The following OPCML variants were observed in gnomAD, a reference collection of about 807,000 sequenced individuals.
OPCML encodes opioid-binding protein/cell adhesion molecule.
In OPCML, 13 loss-of-function variants were observed where a neutral mutation model predicts 37.8. The ratio of observed to expected loss-of-function variants is 0.34; its 90% CI spans 0.22 to 0.55. The LOEUF is 0.55. Among genes scored for constraint, OPCML ranks in the 20% least tolerant of loss-of-function variants. The pLI is 0.91. For missense variants in OPCML, 341 were observed against 435.6 expected, an observed-to-expected ratio of 0.78 and a Z score of 1.93; for synonymous variants, 176 against 168.8, an observed-to-expected ratio of 1.04 and a Z score of -0.33.
At chr11:133,228,216 C>T (rs1940123267) in intron 1 of OPCML, among the ~76,000 whole-genome samples, 1 of 152,160 alleles carries the variant, frequency 6.6e-6, no homozygotes, top group South Asian at 2.1e-4. Context: ...TACCGCACTG[C>T]ATTTTACAAG....
intron 3 of OPCML, among the ~76,000 whole-genome samples, chr11:132,570,777 A>ATATATATATATATATATATATATATT (rs2096435740): frequency 3.5e-5 from 4 of 114,846 alleles, no homozygotes; most frequent in African/African-American, 1.4e-4. Flanking sequence ...ATATATATAT[A>ATATATATATATATATATATATATATT]TATATATATA....
chr11:133,051,463 C>G (rs180707041), intron 1 of OPCML, among the ~76,000 whole-genome samples: 1 of 152,256 alleles, frequency 6.6e-6, no homozygotes, highest in Non-Finnish European at 1.5e-5. Context: ...GTTCAGGGTA[C>G]TCACTACACT....
At chr11:132,508,308 AG>A (rs1284087008) in intron 4 of OPCML, among the ~76,000 whole-genome samples, 3 of 152,262 alleles carry the variant, frequency 2.0e-5, no homozygotes, top group African/African-American at 7.2e-5. Context: ...ATGGAAAATC[AG>A]TAACAAAATA....
chr11:133,104,783 T>C (rs188037111), intron 1 of OPCML, among the ~76,000 whole-genome samples: 1 of 152,300 alleles, frequency 6.6e-6, no homozygotes, highest in East Asian at 1.9e-4. Context: ...TCCTTCAGAT[T>C]GTTGATTTAT....
intron 1 of OPCML, among the ~76,000 whole-genome samples, chr11:133,136,953 G>T (rs1286800599): frequency 6.6e-6 from 1 of 151,668 alleles, no homozygotes; most frequent in African/African-American, 2.4e-5. Flanking sequence ...ATGGTCATCA[G>T]AAGTCTACCT....
intron 2 of OPCML, among the ~76,000 whole-genome samples, chr11:132,874,708 T>G (rs1331610073): frequency 6.6e-6 from 1 of 152,144 alleles, no homozygotes; most frequent in African/African-American, 2.4e-5. Flanking sequence ...GCAAGAAACC[T>G]TATGAACGAA....
In OPCML at chr11:132,993,186, A is replaced by C. The variant is rs1011983805; in HGVS notation, c.62-50176T>G. The stretch of plus-strand genomic sequence containing the variant: ...GTGCAGCTCCAGGACGTGCATGTCT[A>C]TGTACGTAGGTATCTGCCCACCCGA... On this transcript the variant is annotated intron_variant, in intron 1 of 7. Transcript: ENST00000524381. Among the ~76,000 whole-genome samples the C allele has an allele frequency of 3.9e-5, 6 of 152,298 alleles. No homozygotes were observed. The East Asian group carries it at 1.2e-3, about 29-fold the overall frequency.
At chr11:133,314,785 T>C (rs1943164639) in intron 1 of OPCML, among the ~76,000 whole-genome samples, 1 of 152,198 alleles carries the variant, frequency 6.6e-6, no homozygotes, top group African/African-American at 2.4e-5. Context: ...CAATGGACAT[T>C]GCCGCAAAAA....
chr11:133,172,704 A>G (rs567787476), intron 1 of OPCML, among the ~76,000 whole-genome samples: 8 of 152,266 alleles, frequency 5.3e-5, no homozygotes, highest in African/African-American at 1.9e-4. Context: ...CCTTTTTTTA[A>G]TATTCTGATT....
chr11:132,720,414 C>T (rs1483127515), intron 2 of OPCML, among the ~76,000 whole-genome samples: 4 of 152,238 alleles, frequency 2.6e-5, no homozygotes, highest in African/African-American at 9.6e-5. Context: ...GATAAATGAT[C>T]ATCCATTTTA....
intron 1 of OPCML, among the ~76,000 whole-genome samples, chr11:133,381,878 T>C (rs1944937071): frequency 6.6e-6 from 1 of 152,222 alleles, no homozygotes; most frequent in Non-Finnish European, 1.5e-5. Flanking sequence ...AAAAAGACAC[T>C]GTAGTCTGGG....
At chr11:133,103,861 TTCTC>T (rs1466424217) in intron 1 of OPCML, among the ~76,000 whole-genome samples, 3 of 152,244 alleles carry the variant, frequency 2.0e-5, no homozygotes, top group Non-Finnish European at 4.4e-5. Context: ...TTAAATTCCT[TTCTC>T]TCTTTTTCTT....
rs1230450315 is a variant in OPCML, at chr11:132,419,108, G to C, written c.*1085C>G. ...ATTTTGTTAACCTGTGAGATCGTTG[G>C]CTTTCACAGAAGTTGAAAGATAATT... On this transcript the variant is annotated 3_prime_UTR_variant, in exon 8 of 8. Transcript: ENST00000524381. The C allele has an allele frequency of 6.6e-6, 1 of 152,630 alleles. No individual in the cohort carries two copies. Among genetic ancestry groups the C allele is most frequent in the Non-Finnish European group, 1.5e-5 (1 of 68,054 alleles). 9.5% of individuals were successfully genotyped at this position (152,630 alleles called of 1,614,324 possible). A position where few individuals can be genotyped will look rare whatever the true frequency, so the allele number is the denominator to read the frequency against.
intron 1 of OPCML, among the ~76,000 whole-genome samples, chr11:133,358,475 G>A (rs900234296): frequency 6.6e-5 from 10 of 152,086 alleles, no homozygotes; most frequent in African/African-American, 1.9e-4. Flanking sequence ...TTTCTTCGTC[G>A]TCATTTAGAT....
At chr11:133,410,381 C>T (rs1006026276) in intron 1 of OPCML, among the ~76,000 whole-genome samples, 1 of 152,152 alleles carries the variant, frequency 6.6e-6, no homozygotes, top group African/African-American at 2.4e-5. Context: ...GTGAACCCAG[C>T]TCTGGCTATG....
chr11:132,575,680 A>G (rs922516851), intron 3 of OPCML, among the ~76,000 whole-genome samples: 1 of 152,052 alleles, frequency 6.6e-6, no homozygotes, highest in African/African-American at 2.4e-5. Flanking sequence ...CCATTACAGT[A>G]ATACAGTATT....
intron 1 of OPCML, among the ~76,000 whole-genome samples, chr11:132,984,259 A>G (rs1946644304): frequency 6.6e-6 from 1 of 152,098 alleles, no homozygotes. Context: ...AACACTTATT[A>G]TTTTCTTAGA....
At chr11:133,349,028 G>C (rs1944067445) in intron 1 of OPCML, among the ~76,000 whole-genome samples, 1 of 152,190 alleles carries the variant, frequency 6.6e-6, no homozygotes, top group Non-Finnish European at 1.5e-5. Flanking sequence ...TGACTTTTCT[G>C]ACTCCCTTTC....
intron 1 of OPCML, among the ~76,000 whole-genome samples, chr11:133,466,162 A>G (rs989043307): frequency 1.3e-5 from 2 of 152,080 alleles, no homozygotes; most frequent in Non-Finnish European, 2.9e-5. Flanking sequence ...AGGATCAAGA[A>G]GTATGTAATG....
Sources: gnomAD v4.1 joint callset for allele counts (sites outside exome capture counted in the v4.1 genomes callset) on GRCh38, gnomAD v4.1.1 for gene constraint, MANE v1.5 for transcripts, NCBI Gene and HGNC (gene_info 2026-07-23, HGNC 2026-07-21) for gene names.